Variants in TUFT1 observed in about 807,000 individuals in gnomAD.
The protein encoded by TUFT1 is tuftelin 1.
In TUFT1, 43 loss-of-function variants were observed where a neutral mutation model predicts 57.8. That is an observed-to-expected ratio of 0.74 (90% CI 0.58 to 0.96). TUFT1 has a LOEUF of 0.96. Among genes scored for constraint, TUFT1 ranks in the 40% least tolerant of loss-of-function variants. TUFT1 has a pLI of 0.00. For synonymous variants in TUFT1, 166 were observed against 176.7 expected (o/e 0.94, Z 0.48); for missense variants, 459 against 489.0 (o/e 0.94, Z 0.58).
At position 151,579,669 on chromosome 1, in the gene TUFT1, GA is replaced by G; in HGVS notation, c.946del (p.Ile316SerfsTer23). 6.2e-7 allele frequency: 1 copy of G among 1,614,028 alleles called. No homozygotes were observed. The highest frequency in any genetic ancestry group is 8.5e-7 in the Non-Finnish European group (1 of 1,179,980). ...IEQLQNSKAVIQSKDATIQEL... is the reference protein window; with the variant it reads ...IEQLQNSKAVXQSKDATIQEL... ...TGCAGCTCCAGAATTCAAAAGCTGT[GA>G]TCCAGTCAAAGGACGCCACCATCCA... On this transcript the variant is annotated frameshift_variant, in exon 11 of 13. Transcript: ENST00000368849. LOFTEE classifies it high-confidence loss of function.
chr1:151,564,766 A>G (rs1666010259), intron 5 of TUFT1, 152 bp downstream of exon 5: 1 of 657,902 alleles, frequency 1.5e-6, no homozygotes, highest in East Asian at 2.8e-5. Flanking sequence ...TGGAGCACTC[A>G]CAATCTGGTT....
At chr1:151,555,508 G>A (rs1429200114) in intron 1 of TUFT1, among the ~76,000 whole-genome samples, 1 of 149,088 alleles carries the variant, frequency 6.7e-6, no homozygotes, top group Non-Finnish European at 1.5e-5. Flanking sequence ...GTCGGGCATG[G>A]TGGCTCACAC....
At chr1:151,577,728 T>C (rs1472549715) in intron 9 of TUFT1, among the ~76,000 whole-genome samples, 2 of 152,118 alleles carry the variant, frequency 1.3e-5, no homozygotes, top group African/African-American at 4.8e-5. Flanking sequence ...TTGAGTATAA[T>C]AATCCCAGCT....
At chr1:151,565,477 C>G (rs1571706466) in intron 5 of TUFT1, among the ~76,000 whole-genome samples, 1 of 152,238 alleles carries the variant, frequency 6.6e-6, no homozygotes, top group Admixed American at 6.5e-5. Context: ...CTTGGGCATG[C>G]ACTTGTGTGG....
At chr1:151,550,054 A>G (rs1425679411) in intron 1 of TUFT1, among the ~76,000 whole-genome samples, 1 of 150,826 alleles carries the variant, frequency 6.6e-6, no homozygotes. Context: ...TTCTCTTTAT[A>G]TGTTTTATTA....
Position 151,562,670 on chromosome 1 carries a change from A to G in TUFT1, c.221A>G (p.His74Arg). 9 of 1,613,384 alleles carry G rather than the reference A, an allele frequency of 5.6e-6. No homozygotes were observed. The highest frequency in any genetic ancestry group is 7.6e-6 in the Non-Finnish European group (9 of 1,179,886). Residue 74 changes from histidine (H) to arginine (R), a missense_variant, in exon 3 of 13, where the codon CAT becomes CGT. By Grantham distance (29) the His-to-Arg change is conservative. Transcript: ENST00000368849. ...ASELVESHDG[H>R]EEIIKVYLKG... The stretch of plus-strand genomic sequence containing the variant: ...GAACTGGTGGAGTCCCATGATGGAC[A>G]TGAGGAGATCATTAAGGTAAGCTTA...
At chr1:151,575,129 C>A in intron 9 of TUFT1, 124 bp downstream of exon 9, 2 of 836,044 alleles carry the variant, frequency 2.4e-6, no homozygotes, top group Non-Finnish European at 3.8e-6. Flanking sequence ...TCAGATCTTC[C>A]AGCTCTGACT....
chr1:151,562,864 A>G (rs1432164716), intron 3 of TUFT1, among the ~76,000 whole-genome samples, 178 bp downstream of exon 3: 1 of 152,208 alleles, frequency 6.6e-6, no homozygotes, highest in East Asian at 1.9e-4. Context: ...AGGAGACTAC[A>G]GTCTGCCTGT....
At chr1:151,548,308 T>TTC (rs886354010) in intron 1 of TUFT1, among the ~76,000 whole-genome samples, 3 of 147,684 alleles carry the variant, frequency 2.0e-5, no homozygotes, top group Non-Finnish European at 3.0e-5. Context: ...TTCTTTTCTT[T>TTC]TTTTTTTTTT....
At chr1:151,569,944 C>T (rs1314151749) in intron 7 of TUFT1, 174 bp downstream of exon 7, 44 of 574,392 alleles carry the variant, frequency 7.7e-5, no homozygotes. Context: ...GACGTTTACA[C>T]TGTTTACTGT....
intron 7 of TUFT1, among the ~76,000 whole-genome samples, chr1:151,573,057 C>A (rs1447104911): frequency 6.6e-6 from 1 of 152,142 alleles, no homozygotes; most frequent in Non-Finnish European, 1.5e-5. Flanking sequence ...GTCAGTTGAC[C>A]TTTACTTGTT....
rs1171729762 is a variant in TUFT1, at chr1:151,580,199, CTG to C, written c.1008+470_1008+471del. 4.6e-5 allele frequency among the ~76,000 whole-genome samples: 7 copies of C among 152,324 alleles called. No homozygotes were observed. The East Asian group carries it at 1.4e-3, about 29-fold the overall frequency. On this transcript the variant is annotated intron_variant, in intron 11 of 12. Coordinates refer to ENST00000368849, the MANE Select transcript of TUFT1 (RefSeq NM_020127.3). ...ACCTGAAGATCACTTTGCGAACGCT[CTG>C]TGAAGATCCCCTGTAGTGAGGGAGA...
chr1:151,581,895 C>T lies in TUFT1; in HGVS notation c.*188C>T. ...AAGCTGGGCAGACGGAGCACGAGCA[C>T]CTATTCAAGGCACTGCAGCCCTTTG... On this transcript the variant is annotated 3_prime_UTR_variant, in exon 13 of 13. Coordinates refer to ENST00000368849, the MANE Select transcript of TUFT1 (RefSeq NM_020127.3). 1.5e-6 allele frequency: 1 copy of T among 645,254 alleles called. No homozygotes were observed. Among genetic ancestry groups the T allele is most frequent in the East Asian group, 2.7e-5 (1 of 36,566 alleles). 40.0% of individuals were successfully genotyped at this position (645,254 alleles called of 1,614,324 possible).
intron 1 of TUFT1, among the ~76,000 whole-genome samples, chr1:151,553,085 G>T (rs1385327467): frequency 6.6e-6 from 1 of 151,920 alleles, no homozygotes; most frequent in Non-Finnish European, 1.5e-5. Flanking sequence ...ATCAAGCAAG[G>T]TGGGTCAGAT....
At chr1:151,540,660 C>T in intron 1 of TUFT1, 1 of 546,334 alleles carries the variant, frequency 1.8e-6, no homozygotes, top group South Asian at 2.2e-5. Context: ...TTTGGTAGGA[C>T]ACTGCGGCTC....
rs180989579 is a variant in TUFT1, at chr1:151,550,837, G to C, written c.60+10411G>C. The stretch of plus-strand genomic sequence containing the variant: ...AGCTGCTTAGGAAGCTGAGATGAGA[G>C]GATCAATTGAGCCTGGGAGGTCAAG... On this transcript the variant is annotated intron_variant, in intron 1 of 12. Transcript: ENST00000368849. Among the ~76,000 whole-genome samples, 103 of 152,290 alleles carry C rather than the reference G, an allele frequency of 6.8e-4. 1 individual carries two copies. In the East Asian group the frequency reaches 0.014, roughly 21 times the overall value.
At chr1:151,547,672 G>C (rs1665382424) in intron 1 of TUFT1, among the ~76,000 whole-genome samples, 1 of 152,204 alleles carries the variant, frequency 6.6e-6, no homozygotes, top group Non-Finnish European at 1.5e-5. Context: ...AGAGAGGGCA[G>C]AGCCACTCCC....
intron 1 of TUFT1, among the ~76,000 whole-genome samples, chr1:151,555,969 A>C (rs1360843415): frequency 6.6e-6 from 1 of 151,796 alleles, no homozygotes; most frequent in African/African-American, 2.4e-5. Context: ...AGCACCCCTC[A>C]TGTTGCCCTT....
At chr1:151,574,886 A>G in intron 8 of TUFT1, 25 bp from the exon 9 acceptor site, 1 of 1,548,646 alleles carries the variant, frequency 6.5e-7, no homozygotes, top group Non-Finnish European at 8.8e-7. Flanking sequence ...TTCTCATCCT[A>G]GATTTTCTTT....
Sources: allele counts gnomAD v4.1 joint callset (sites outside exome capture counted in the v4.1 genomes callset), GRCh38; gene constraint gnomAD v4.1.1; transcripts MANE v1.5; gene names NCBI Gene and HGNC (gene_info 2026-07-23, HGNC 2026-07-21).